Variants in EMB observed in about 807,000 individuals in gnomAD.
The protein encoded by EMB is embigin homolog.
EMB carries 31 observed loss-of-function variants against 41.4 expected under a neutral mutation model. The observed-to-expected ratio is 0.75, with a 90% CI of 0.56 to 1.01. EMB has a LOEUF of 1.01. Ranked by LOEUF, EMB falls within the 50% of genes least tolerant of loss-of-function variation. The probability of loss-of-function intolerance (pLI) is 0.00; values close to 1 mark genes in which losing one functional copy is unlikely to be tolerated. For synonymous variants in EMB, 137 were observed against 140.4 expected, an observed-to-expected ratio of 0.98 and a Z score of 0.17; for missense variants, 379 against 388.3, an observed-to-expected ratio of 0.98 and a Z score of 0.20.
At chr5:50,428,601 G>A (rs1044794381) in intron 1 of EMB, 3 of 987,690 alleles carry the variant, frequency 3.0e-6, no homozygotes, top group African/African-American at 1.7e-5. Context: ...AGAGAGAGAA[G>A]ATGAAAGAAG....
intron 1 of EMB, among the ~76,000 whole-genome samples, chr5:50,434,108 G>A (rs1745766395): frequency 6.6e-6 from 1 of 152,092 alleles, no homozygotes; most frequent in Admixed American, 6.6e-5. Flanking sequence ...TCCCAAATAA[G>A]GTCACTTTCA....
intron 1 of EMB, among the ~76,000 whole-genome samples, chr5:50,436,481 G>A (rs1745804935): frequency 6.6e-6 from 1 of 152,142 alleles, no homozygotes; most frequent in Non-Finnish European, 1.5e-5. Context: ...CCACAGAGAT[G>A]TCTCCTTACC....
At chr5:50,437,456 T>G (rs1020480297) in intron 1 of EMB, among the ~76,000 whole-genome samples, 13 of 152,202 alleles carry the variant, frequency 8.5e-5, no homozygotes, top group Admixed American at 7.9e-4. Context: ...ACTCTGAATC[T>G]TTAATACTTT....
chr5:50,428,096 T>G (rs372012526), intron 2 of EMB, 48 bp downstream of exon 2: 2 of 1,403,104 alleles, frequency 1.4e-6, no homozygotes, highest in South Asian at 2.4e-5. Context: ...GAAAAATTGC[T>G]TAAACCCTTT....
chr5:50,402,343 A>G (rs756695537), intron 6 of EMB, 24 bp from the exon 7 acceptor site: 1 of 1,606,426 alleles, frequency 6.2e-7, no homozygotes, highest in Non-Finnish European at 8.5e-7. Flanking sequence ...GAAGAATTTG[A>G]CTGTGAAGTT....
At chr5:50,428,799 T>C in intron 1 of EMB, 1 of 951,606 alleles carries the variant, frequency 1.1e-6, no homozygotes, top group Non-Finnish European at 1.3e-6. Flanking sequence ...CACTTCTCTC[T>C]CCTTTTGAAA....
At chr5:50,438,250 T>C (rs1172430902) in intron 1 of EMB, among the ~76,000 whole-genome samples, 2 of 152,222 alleles carry the variant, frequency 1.3e-5, no homozygotes, top group Non-Finnish European at 2.9e-5. Context: ...ACTTGGGCAA[T>C]TACATAAGCC....
intron 2 of EMB, among the ~76,000 whole-genome samples, chr5:50,420,079 G>T (rs1318205936): frequency 6.6e-6 from 1 of 152,094 alleles, no homozygotes. Context: ...TGCATGCTGG[G>T]CTTACTGTCT....
At chr5:50,420,778 G>C (rs888795310) in intron 2 of EMB, among the ~76,000 whole-genome samples, 6 of 152,160 alleles carry the variant, frequency 3.9e-5, no homozygotes, top group African/African-American at 1.2e-4. Flanking sequence ...CTTAAAACAT[G>C]AATCACTTCT....
intron 2 of EMB, among the ~76,000 whole-genome samples, chr5:50,414,634 G>A (rs1162323277): frequency 6.6e-6 from 1 of 151,286 alleles, no homozygotes; most frequent in Non-Finnish European, 1.5e-5. Flanking sequence ...TTTGCAGATA[G>A]TGAAGTACAG....
chr5:50,404,854 A>G (rs2111776470), intron 5 of EMB, among the ~76,000 whole-genome samples: 1 of 152,078 alleles, frequency 6.6e-6, no homozygotes, highest in Non-Finnish European at 1.5e-5. Context: ...AGAATAAGTC[A>G]CACTCCCTTC....
intron 1 of EMB, among the ~76,000 whole-genome samples, chr5:50,437,829 G>T (rs1284145001): frequency 6.6e-6 from 1 of 152,128 alleles, no homozygotes; most frequent in East Asian, 1.9e-4. Context: ...CATTTTAAAT[G>T]ATTCTACTGC....
chr5:50,442,449 A>G (rs897066864), upstream of EMB, among the ~76,000 whole-genome samples: 2 of 152,174 alleles, frequency 1.3e-5, no homozygotes, highest in Non-Finnish European at 2.9e-5. Flanking sequence ...CCAGGTGCCA[A>G]TCTACCATTG....
At chr5:50,418,592 C>T (rs1745466185) in intron 2 of EMB, among the ~76,000 whole-genome samples, 2 of 152,344 alleles carry the variant, frequency 1.3e-5, no homozygotes, top group South Asian at 4.1e-4. Context: ...TCATTTAACA[C>T]TTATTTACCG....
intron 1 of EMB, among the ~76,000 whole-genome samples, chr5:50,432,109 ATAAG>A (rs971739155): frequency 2.6e-5 from 4 of 152,172 alleles, no homozygotes; most frequent in Admixed American, 1.3e-4. Flanking sequence ...GGGAAGAAAA[ATAAG>A]TAACACTAGA....
At chr5:50,440,527 C>T (rs1259090229) in intron 1 of EMB, among the ~76,000 whole-genome samples, 2 of 89,436 alleles carry the variant, frequency 2.2e-5, no homozygotes, top group African/African-American at 7.1e-5. Flanking sequence ...GAGTAAAACT[C>T]CGTCTCAAAA....
chr5:50,421,016 G>T (rs1010273726), intron 2 of EMB, among the ~76,000 whole-genome samples: 2 of 152,154 alleles, frequency 1.3e-5, no homozygotes, highest in Non-Finnish European at 2.9e-5. Flanking sequence ...TACTAATCTA[G>T]CAGGGGACAT....
intron 2 of EMB, among the ~76,000 whole-genome samples, chr5:50,413,215 G>A (rs1962207): frequency 0.072 from 10,951 of 152,210 alleles, 567 homozygotes; most frequent in Middle Eastern, 0.15. Context: ...GAAAATAAAC[G>A]TTCTCTTTAT....
chr5:50,443,334 G>A (rs1187456213), upstream of EMB: 1 of 152,204 alleles, frequency 6.6e-6, no homozygotes. Context: ...CGAAGAAATT[G>A]GGGATTGGCT....
Sources: gnomAD v4.1 joint callset for allele counts (sites outside exome capture counted in the v4.1 genomes callset) on GRCh38, gnomAD v4.1.1 for gene constraint, MANE v1.5 for transcripts, NCBI Gene and HGNC (gene_info 2026-07-23, HGNC 2026-07-21) for gene names.